The following EMID1 variants were observed in gnomAD, a reference collection of about 807,000 sequenced individuals.
EMID1 encodes EMI domain-containing protein 1.
Under a neutral mutation model 60.6 loss-of-function variants are expected in EMID1, and 40 were observed. The ratio of observed to expected loss-of-function variants is 0.66; its 90% CI spans 0.51 to 0.86. EMID1 has a LOEUF of 0.86. Among genes scored for constraint, EMID1 ranks in the 40% least tolerant of loss-of-function variants. EMID1 has a pLI of 0.00. For missense variants in EMID1, 585 were observed against 597.1 expected (o/e 0.98, Z 0.21); for synonymous variants, 242 against 231.0 (o/e 1.05, Z -0.43).
chr22:29,206,476 G>C (rs1212193653), intron 1 of EMID1, among the ~76,000 whole-genome samples: 1 of 152,206 alleles, frequency 6.6e-6, no homozygotes, highest in Admixed American at 6.5e-5. Context: ...ACACCCCCTA[G>C]CCGACTCTTC....
Position 29,210,593 on chromosome 22 carries a change from C to T in EMID1, c.102-4333C>T, listed in dbSNP as rs117995061. ...TATTGCCCAGGCTGTAGTGCAGTGG[C>T]GTGAATATAGCTCATTACAGCCTCA... On this transcript the variant is annotated intron_variant, in intron 1 of 14. Transcript: ENST00000334018. Among the ~76,000 whole-genome samples, 892 of 152,110 alleles carry T rather than the reference C, an allele frequency of 5.9e-3. 21 individuals are homozygous for T. Among genetic ancestry groups the T allele is most frequent in the Admixed American group, 0.031 (469 of 15,262 alleles).
intron 3 of EMID1, among the ~76,000 whole-genome samples, chr22:29,223,176 G>A (rs2040363640): frequency 6.6e-6 from 1 of 152,240 alleles, no homozygotes; most frequent in Admixed American, 6.5e-5. Context: ...AAACAGACAA[G>A]GTCCCTGCCC....
chr22:29,227,704 CAAAAAAAAAAA>C (rs560219761), intron 5 of EMID1, among the ~76,000 whole-genome samples: 1 of 88,954 alleles, frequency 1.1e-5, no homozygotes, highest in African/African-American at 4.4e-5. Context: ...GACTCTGTCT[CAAAAAAAAAAA>C]AAAAAAAAAA....
chr22:29,255,587 G>A, intron 14 of EMID1: 1 of 407,278 alleles, frequency 2.5e-6, no homozygotes, highest in Middle Eastern at 6.3e-4. Context: ...GGCTCCACAA[G>A]ATAAGACAGA....
chr22:29,230,520 T>C (rs1325682661), intron 5 of EMID1, among the ~76,000 whole-genome samples: 1 of 152,244 alleles, frequency 6.6e-6, no homozygotes, highest in African/African-American at 2.4e-5. Context: ...GACTTTTCCA[T>C]AATGCGTGTT....
In EMID1 at chr22:29,243,519, C is replaced by T. The variant is rs1173305545; in HGVS notation, c.1119+30C>T. 6 of 1,613,804 alleles carry T rather than the reference C, an allele frequency of 3.7e-6. No homozygotes were observed. The South Asian group carries it at 6.6e-5, about 18-fold the overall frequency. On this transcript the variant is annotated intron_variant, in intron 13 of 14. Transcript: ENST00000334018. ...GCTCTGGCCTGGCACTGGCCTCTCC[C>T]TGCCTTCTCAGCCCTACATGCTCAA... is the stretch of plus-strand genomic sequence containing the variant.
At chr22:29,257,608 A>G (rs921182850) in intron 14 of EMID1, among the ~76,000 whole-genome samples, 8 of 152,204 alleles carry the variant, frequency 5.3e-5, no homozygotes, top group African/African-American at 1.9e-4. Context: ...TTTGATTGTG[A>G]CAAACTCACA....
intron 3 of EMID1, among the ~76,000 whole-genome samples, chr22:29,217,978 G>A (rs934333429): frequency 4.6e-5 from 7 of 151,678 alleles, no homozygotes; most frequent in African/African-American, 1.7e-4. Flanking sequence ...GCCAAAGGAG[G>A]AGAGGGAACA....
chr22:29,223,433 A>T (rs1052941378), intron 3 of EMID1, among the ~76,000 whole-genome samples: 1 of 152,198 alleles, frequency 6.6e-6, no homozygotes, highest in South Asian at 2.1e-4. Flanking sequence ...AGAGTACTAA[A>T]ATGACATCAC....
chr22:29,215,147 G>A, intron 2 of EMID1, 108 bp downstream of exon 2: 1 of 1,432,366 alleles, frequency 7.0e-7, no homozygotes, highest in African/African-American at 1.4e-5. Context: ...CTGGACCCCA[G>A]GGTGGGCGGA....
In EMID1 at chr22:29,259,026, G is replaced by A. The variant is rs1014263209; in HGVS notation, c.*82G>A. On this transcript the variant is annotated 3_prime_UTR_variant, in exon 15 of 15. Coordinates refer to ENST00000334018, the MANE Select transcript of EMID1 (RefSeq NM_133455.4). ...GGCCAGCTGCCTCCAGGGACCGCCC[G>A]TCCATATTTATTAATGTCCTCAGGG... 9.7e-5 allele frequency: 149 copies of A among 1,534,728 alleles called. No homozygotes were observed. The South Asian group carries it at 1.2e-3, about 12-fold the overall frequency.
chr22:29,232,472 A>G, intron 8 of EMID1, 70 bp downstream of exon 8: 1 of 1,442,132 alleles, frequency 6.9e-7, no homozygotes, highest in South Asian at 1.4e-5. Flanking sequence ...GCCCGCTACC[A>G]TCTGCCACGT....
intron 1 of EMID1, among the ~76,000 whole-genome samples, chr22:29,212,088 C>T (rs2039908133): frequency 6.6e-6 from 1 of 152,092 alleles, no homozygotes; most frequent in African/African-American, 2.4e-5. Context: ...CGGGTTCAAA[C>T]AATTCTCCTG....
At chr22:29,231,852 C>T in intron 7 of EMID1, 170 bp downstream of exon 7, 1 of 626,488 alleles carries the variant, frequency 1.6e-6, no homozygotes. Context: ...CCATGAAGTC[C>T]TCTCTTATGT....
At chr22:29,218,792 C>G (rs2040182335) in intron 3 of EMID1, among the ~76,000 whole-genome samples, 1 of 152,210 alleles carries the variant, frequency 6.6e-6, no homozygotes, top group Non-Finnish European at 1.5e-5. Flanking sequence ...AACCCCATGT[C>G]ACTCTGCCTC....
Position 29,214,931 on chromosome 22 carries a change from G to A in EMID1, c.107G>A (p.Trp36Ter). Residue 36 changes from tryptophan to a stop codon, truncating the protein, a stop_gained, in exon 2 of 15, where the codon TGG becomes TAG. Coordinates refer to ENST00000334018, the MANE Select transcript of EMID1 (RefSeq NM_133455.4). LOFTEE classifies it high-confidence loss of function. Reference protein sequence around the residue: ...GAAPFSGRRNWCSYVVTRTIS... With the variant: ...GAAPFSGRRN ...TCTCTTTGGGTCTGTTTCAGGAACT[G>A]GTGCTCCTATGTGGTGACCCGCACC... 1 of 1,526,564 alleles carries A rather than the reference G, an allele frequency of 6.6e-7. No homozygotes were observed. Among genetic ancestry groups the A allele is most frequent in the Non-Finnish European group, 8.9e-7 (1 of 1,128,706 alleles). The allele number at this position is 1,526,564 out of a possible 1,614,324, so 94.6% of individuals were successfully genotyped here.
At chr22:29,244,500 A>G (rs1247809570) in intron 13 of EMID1, among the ~76,000 whole-genome samples, 2 of 152,068 alleles carry the variant, frequency 1.3e-5, no homozygotes, top group East Asian at 1.9e-4. Context: ...TTAGCTGGAC[A>G]TGGTGGTACG....
intron 13 of EMID1, among the ~76,000 whole-genome samples, chr22:29,247,937 T>A (rs1052047945): frequency 1.3e-5 from 2 of 148,198 alleles, no homozygotes; most frequent in Admixed American, 6.7e-5. Context: ...GTGAAATTAA[T>A]TTTTTTTTTA....
chr22:29,225,072 C>T (rs2040448805), intron 3 of EMID1, 61 bp from the exon 4 acceptor site: 3 of 1,562,318 alleles, frequency 1.9e-6, no homozygotes, highest in African/African-American at 2.7e-5. Context: ...CAGTGGTGGG[C>T]AGGGGGGCCT....
Sources: allele counts gnomAD v4.1 joint callset (sites outside exome capture counted in the v4.1 genomes callset), GRCh38; gene constraint gnomAD v4.1.1; transcripts MANE v1.5; gene names NCBI Gene and HGNC (gene_info 2026-07-23, HGNC 2026-07-21).